EMC1: variants seen among roughly 807,000 people sequenced by gnomAD.
EMC1 encodes ER membrane protein complex subunit 1.
EMC1 carries 103 observed loss-of-function variants against 128.8 expected under a neutral mutation model. The ratio of observed to expected loss-of-function variants is 0.80; its 90% CI spans 0.68 to 0.94. The LOEUF (loss-of-function observed/expected upper bound fraction) is 0.94, where lower values mean the gene tolerates loss of function less well. Ranked by LOEUF, EMC1 falls within the 40% of genes least tolerant of loss-of-function variation. The pLI, the probability that EMC1 is intolerant of heterozygous loss-of-function variation, is 0.00. For synonymous variants in EMC1, 442 were observed against 490.4 expected (o/e 0.90, Z 1.30); for missense variants, 1,083 against 1,250.6 (o/e 0.87, Z 2.02).
chr1:19,219,308 G>C lies in EMC1; in HGVS notation c.2977C>G (p.Arg993Gly), dbSNP rs758888994. 8 of 1,613,706 alleles carry C rather than the reference G, an allele frequency of 5.0e-6. No homozygotes were observed. The highest frequency in any genetic ancestry group is 6.8e-6 in the Non-Finnish European group (8 of 1,179,992). Residue 993 changes from arginine to glycine, a missense_variant, in exon 23 of 23, where the codon CGA becomes GGA. Physicochemically the swap from Arg to Gly is moderately radical, Grantham distance 125. This residue lies in a region of EMC1 where 527 missense variants were observed against 644.1 expected (regional missense o/e 0.82). Transcript: ENST00000477853. ...AQVKLLNRAW[R>G] ...TTAGGCACAGTCTTTGTTCTTTATC[G>C]CCAGGCCCGATTCAGGAGCTTCACC...
rs767208236 is a variant in EMC1 at position 19,242,388 on chromosome 1, G to C, written c.466C>G (p.Leu156Val). The C allele has an allele frequency of 6.8e-6, 11 of 1,613,994 alleles. No homozygotes were observed. The highest frequency in any genetic ancestry group is 8.5e-7 in the Non-Finnish European group (1 of 1,179,952). Residue 156 changes from leucine to valine, a missense_variant, in exon 5 of 23, where the codon CTC becomes GTC. By Grantham distance (32) the Leu-to-Val change is conservative (BLOSUM62 1). Transcript: ENST00000477853. ...LKKTTLALHH[L>V]SSGHLKWVEH... is the part of the protein sequence containing the mutation. ...ACCCACTTGAGGTGCCCACTGGAGA[G>C]GTGATGGAGGGCAAGTGTAGTCTTC...
In EMC1 at chr1:19,219,347, T is replaced by C; in HGVS notation, c.2938A>G (p.Lys980Glu). 1 of 1,614,090 alleles carries C rather than the reference T, an allele frequency of 6.2e-7. No homozygotes were observed. The highest frequency in any genetic ancestry group is 1.1e-5 in the South Asian group (1 of 91,090). Residue 980 changes from lysine to glutamate, a missense_variant, in exon 23 of 23, where the codon AAG (lysine) becomes GAG (glutamate). Physicochemically the swap from Lys to Glu is moderately conservative, Grantham distance 56. This residue lies in a region of EMC1 where 527 missense variants were observed against 644.1 expected (regional missense o/e 0.82). Coordinates refer to ENST00000477853, the MANE Select transcript of EMC1 (RefSeq NM_015047.3). ...AGGAGCTTCACCTGTGCCAGTCTCT[T>C]AGTGATCATGGTGGCAAAAACCAGG... ...FGLVFATMIT[K>E]RLAQVKLLNR... is the part of the protein sequence containing the mutation.
chr1:19,246,949 G>T (rs1272627392), intron 1 of EMC1, among the ~76,000 whole-genome samples: 4 of 152,112 alleles, frequency 2.6e-5, no homozygotes, highest in Admixed American at 6.6e-5. Flanking sequence ...AAGTCAAAAG[G>T]GTGAGGCCTT....
At position 19,239,284 on chromosome 1, in the gene EMC1, C is replaced by T. The variant is rs1303125610; in HGVS notation, c.973G>A (p.Ala325Thr). The T allele has an allele frequency of 1.2e-6, 2 of 1,614,160 alleles. No individual in the cohort carries two copies. Among genetic ancestry groups the T allele is most frequent in the South Asian group, 2.2e-5 (2 of 91,088 alleles). ...GCCACCGTCTTCTCCCCAGTGGTGG[C>T]AAAGCTCACTAGGGCAGTCTGGGGG... ...NFPQTALVSF[A>T]TTGEKTVAAV... The change falls in exon 9 of 23, where the codon GCC (alanine) becomes ACC (threonine). Residue 325 changes from alanine (A) to threonine (T), a missense_variant. By Grantham distance (58) the Ala-to-Thr change is moderately conservative. Transcript: ENST00000477853.
Position 19,231,349 on chromosome 1 carries a change from A to C in EMC1, c.1856T>G (p.Leu619Arg). The C allele has an allele frequency of 6.2e-7, 1 of 1,612,662 alleles. No individual in the cohort carries two copies. Among genetic ancestry groups the C allele is most frequent in the Non-Finnish European group, 8.5e-7 (1 of 1,179,648 alleles). The change falls in exon 16 of 23, where the codon CTG becomes CGG. Residue 619 changes from leucine (L) to arginine (R), a missense_variant. Around this residue, in one of 3 missense-constraint regions of EMC1, gnomAD observed 527 missense variants for 644.1 expected, o/e 0.82. Transcript: ENST00000477853. ...GKWSQVAPPV[L>R]KRPILQSLLL... ...CAAGGACTGCAAGATGGGGCGCTTC[A>C]GCACTGGGGGAGCTACCTGACTCCA...
At chr1:19,249,866 C>T (rs2093649174) in intron 1 of EMC1, among the ~76,000 whole-genome samples, 1 of 151,802 alleles carries the variant, frequency 6.6e-6, no homozygotes, top group Non-Finnish European at 1.5e-5. Context: ...CTGCAGTGAG[C>T]CATGATAGTA....
Position 19,235,260 on chromosome 1 carries a change from A to C in EMC1, c.1310-8T>G. 4 of 1,610,684 alleles carry C rather than the reference A, an allele frequency of 2.5e-6. No individual in the cohort carries two copies. The highest frequency in any genetic ancestry group is 3.4e-6 in the Non-Finnish European group (4 of 1,178,238). The stretch of plus-strand genomic sequence containing the variant: ...ACAGCACCACCTTCCCTGCTACAGG[A>C]AACATTTTTACAAAGCTAAGCCTGG... On this transcript the variant is annotated splice_region_variant and splice_polypyrimidine_tract_variant and intron_variant, in intron 12 of 22. Transcript: ENST00000477853.
intron 15 of EMC1, among the ~76,000 whole-genome samples, chr1:19,232,401 T>G (rs1169044628): frequency 1.3e-5 from 2 of 152,240 alleles, no homozygotes; most frequent in Non-Finnish European, 2.9e-5. Context: ...AGAGGAGAGC[T>G]GGCTCCCTAC....
chr1:19,242,212 T>C (rs1259196482), intron 5 of EMC1, 133 bp downstream of exon 5: 2 of 901,082 alleles, frequency 2.2e-6, no homozygotes, highest in Admixed American at 2.4e-5. Context: ...ATATTCTGAG[T>C]GCAACACACT....
intron 1 of EMC1, among the ~76,000 whole-genome samples, chr1:19,247,006 G>A (rs1558115618): frequency 6.6e-6 from 1 of 152,118 alleles, no homozygotes; most frequent in South Asian, 2.1e-4. Context: ...CACAGTAAAG[G>A]CCATGTAAGG....
intron 2 of EMC1, chr1:19,244,665 G>T: frequency 2.6e-6 from 1 of 388,164 alleles, no homozygotes; most frequent in South Asian, 2.8e-5. Flanking sequence ...TGGGCTTGCA[G>T]CAATATCTTA....
At chr1:19,236,252 C>G (rs1449620121) in intron 12 of EMC1, among the ~76,000 whole-genome samples, 1 of 151,898 alleles carries the variant, frequency 6.6e-6, no homozygotes, top group Non-Finnish European at 1.5e-5. Context: ...CCCAGCTACT[C>G]AGGAGGCTGA....
chr1:19,240,074 G>T, intron 7 of EMC1, 89 bp from the exon 8 acceptor site: 2 of 1,396,588 alleles, frequency 1.4e-6, no homozygotes, highest in East Asian at 2.4e-5. Flanking sequence ...TACTTTGCCG[G>T]GGGAAGTAAC....
At chr1:19,248,373 T>G (rs548954896) in intron 1 of EMC1, among the ~76,000 whole-genome samples, 2 of 152,054 alleles carry the variant, frequency 1.3e-5, no homozygotes, top group Non-Finnish European at 2.9e-5. Context: ...AATTTTTGTA[T>G]GCTTTGCAGA....
At chr1:19,227,234 G>T in intron 18 of EMC1, 79 bp downstream of exon 18, 2 of 1,534,640 alleles carry the variant, frequency 1.3e-6, no homozygotes, top group Non-Finnish European at 1.8e-6. Flanking sequence ...TATGTACCAA[G>T]TCCTACAGCC....
chr1:19,233,226 C>T, intron 13 of EMC1, 91 bp from the exon 14 acceptor site: 1 of 1,141,854 alleles, frequency 8.8e-7, no homozygotes, highest in Admixed American at 2.3e-5. Flanking sequence ...TCTGCCTCTC[C>T]TCTGGAGCAA....
At chr1:19,240,574 G>A in intron 6 of EMC1, 128 bp from the exon 7 acceptor site, 1 of 1,032,700 alleles carries the variant, frequency 9.7e-7, no homozygotes. Flanking sequence ...ATGGTTGGTT[G>A]TATAGGAGTT....
At chr1:19,219,951 A>G in intron 21 of EMC1, 1 of 467,778 alleles carries the variant, frequency 2.1e-6, no homozygotes, top group Non-Finnish European at 3.9e-6. Flanking sequence ...AAGAACATAC[A>G]GATGACTGGC....
chr1:19,249,944 G>A lies in EMC1; in HGVS notation c.95+1471C>T, dbSNP rs11589625. 5.1e-3 allele frequency among the ~76,000 whole-genome samples: 772 copies of A among 152,046 alleles called. 5 individuals carry two copies. Among genetic ancestry groups the A allele is most frequent in the African/African-American group, 0.016 (680 of 41,504 alleles). On this transcript the variant is annotated intron_variant, in intron 1 of 22. Coordinates refer to ENST00000477853, the MANE Select transcript of EMC1 (RefSeq NM_015047.3). ...AAATTTTAAAAAGTCTTGGCTGGGC[G>A]CAGTGGCTCCCACCTGTAATTCCAA...
Sources: gnomAD v4.1 joint callset for allele counts (sites outside exome capture counted in the v4.1 genomes callset) on GRCh38, gnomAD v4.1.1 for gene constraint, gnomAD v4.1.1 regional missense constraint, MANE v1.5 for transcripts, NCBI Gene and HGNC (gene_info 2026-07-23, HGNC 2026-07-21) for gene names.